PTPRD: variants seen among roughly 807,000 people sequenced by gnomAD.
PTPRD encodes receptor-type tyrosine-protein phosphatase delta.
In PTPRD, 34 loss-of-function variants were observed where a neutral mutation model predicts 214.5. The observed-to-expected ratio is 0.16, with a 90% CI of 0.12 to 0.21. PTPRD has a LOEUF of 0.21. Among genes scored for constraint, PTPRD ranks in the 10% least tolerant of loss-of-function variants. The pLI is 1.00. For missense variants in PTPRD, 2,545 were observed against 2,398.7 expected, an observed-to-expected ratio of 1.06 and a Z score of -1.27; for synonymous variants, 1,128 against 845.7, an observed-to-expected ratio of 1.33 and a Z score of -5.79.
At chr9:8,934,305 C>T (rs148653582) in intron 11 of PTPRD, among the ~76,000 whole-genome samples, 81 of 147,936 alleles carry the variant, frequency 5.5e-4, no homozygotes, top group African/African-American at 1.9e-3. Context: ...CTTGAACTAC[C>T]GAAATCAAGC....
chr9:9,861,632 A>G (rs2062803264), intron 5 of PTPRD, among the ~76,000 whole-genome samples: 1 of 152,206 alleles, frequency 6.6e-6, no homozygotes, highest in African/African-American at 2.4e-5. Flanking sequence ...GAATATTTAG[A>G]TGTTAACTAT....
At chr9:8,757,961 G>C (rs547014787) in intron 11 of PTPRD, among the ~76,000 whole-genome samples, 23 of 152,204 alleles carry the variant, frequency 1.5e-4, no homozygotes, top group African/African-American at 5.5e-4. Context: ...ACTGGTGGTT[G>C]GGCTGAATGG....
rs566640910 is a variant in PTPRD, at chr9:9,141,883, C to T, written c.-143+41421G>A. On this transcript the variant is annotated intron_variant, in intron 10 of 45. Coordinates refer to ENST00000381196, the MANE Select transcript of PTPRD (RefSeq NM_002839.4). ...GGGCATGAAGGTGGGCCATGGGAAT[C>T]GTGGAGGTTTATCATTAATAGATTA... Among the ~76,000 whole-genome samples the T allele has an allele frequency of 3.9e-5, 6 of 152,044 alleles. No individual in the cohort carries two copies. The South Asian group carries it at 8.3e-4, about 21-fold the overall frequency.
At chr9:9,389,647 G>A (rs930143386) in intron 9 of PTPRD, among the ~76,000 whole-genome samples, 13 of 152,142 alleles carry the variant, frequency 8.5e-5, no homozygotes, top group African/African-American at 3.1e-4. Context: ...ATATATTCAT[G>A]TGTATTATGC....
intron 10 of PTPRD, among the ~76,000 whole-genome samples, chr9:9,167,327 T>TG (rs1481605298): frequency 5.0e-5 from 7 of 140,788 alleles, no homozygotes; most frequent in African/African-American, 1.9e-4. Context: ...CTATATGGGG[T>TG]TTGTGTGTGT....
chr9:9,894,162 A>G (rs2153788872), intron 5 of PTPRD, among the ~76,000 whole-genome samples: 1 of 152,146 alleles, frequency 6.6e-6, no homozygotes, highest in Middle Eastern at 3.4e-3. Flanking sequence ...TATCTCCAAG[A>G]TAATATCTAT....
intron 12 of PTPRD, among the ~76,000 whole-genome samples, chr9:8,667,607 A>G (rs1596452388): frequency 6.6e-6 from 1 of 152,196 alleles, no homozygotes; most frequent in Non-Finnish European, 1.5e-5. Flanking sequence ...TGCAATGCAT[A>G]TAAGACATAT....
At position 9,640,203 on chromosome 9, in the gene PTPRD, T is replaced by C. The variant is rs188304809; in HGVS notation, c.-286-65422A>G. ...CCATTCTTCTCACCAGAAGTGATGA[T>C]CTCAGTGGCATGCATGTGATCTAAA... On this transcript the variant is annotated intron_variant, in intron 7 of 45. Transcript: ENST00000381196. Among the ~76,000 whole-genome samples the C allele has an allele frequency of 4.5e-4, 69 of 152,306 alleles. 1 individual carries two copies. The highest frequency in any genetic ancestry group is 1.2e-3 in the African/African-American group (48 of 41,564).
intron 5 of PTPRD, among the ~76,000 whole-genome samples, chr9:9,889,110 C>A (rs954669467): frequency 6.6e-6 from 1 of 151,890 alleles, no homozygotes; most frequent in African/African-American, 2.4e-5. Context: ...TTGCCAGGTG[C>A]TGGGATGGTT....
intron 8 of PTPRD, among the ~76,000 whole-genome samples, chr9:9,548,411 T>TC (rs1294015350): frequency 2.7e-5 from 4 of 148,550 alleles, no homozygotes; most frequent in African/African-American, 7.4e-5. Flanking sequence ...TTTTCTTTTT[T>TC]TTTTTTTTTT....
intron 3 of PTPRD, among the ~76,000 whole-genome samples, chr9:10,165,635 A>T (rs922418974): frequency 6.6e-6 from 1 of 151,778 alleles, no homozygotes; most frequent in African/African-American, 2.4e-5. Flanking sequence ...AGAATAAATC[A>T]TGGCCAAAAT....
Position 8,497,280 on chromosome 9 carries a change from T to C in PTPRD, c.2323-12A>G, listed in dbSNP as rs371244018. ...TCATCAAATTCCCACTGATTGAGAA[T>C]AAGAAGGTTGGGAGGAAAACAAAAT... On this transcript the variant is annotated splice_polypyrimidine_tract_variant and intron_variant, in intron 25 of 45. Transcript: ENST00000381196. The C allele has an allele frequency of 4.8e-5, 77 of 1,593,568 alleles. No homozygotes were observed. The African/African-American group carries it at 9.9e-4, about 20-fold the overall frequency.
intron 7 of PTPRD, among the ~76,000 whole-genome samples, chr9:9,578,483 G>C (rs760653032): frequency 6.6e-6 from 1 of 151,946 alleles, no homozygotes; most frequent in South Asian, 2.1e-4. Flanking sequence ...CAAAAATTTG[G>C]GGGAGGGAGA....
intron 35 of PTPRD, among the ~76,000 whole-genome samples, chr9:8,424,164 T>C (rs955190198): frequency 6.6e-6 from 1 of 152,132 alleles, no homozygotes; most frequent in Non-Finnish European, 1.5e-5. Context: ...AATATAATTA[T>C]AACAAAAAGA....
intron 11 of PTPRD, among the ~76,000 whole-genome samples, chr9:8,792,516 G>A (rs1318860012): frequency 2.0e-5 from 3 of 152,098 alleles, no homozygotes; most frequent in African/African-American, 7.2e-5. Context: ...AAGACAATGA[G>A]GAAATATTGG....
intron 2 of PTPRD, among the ~76,000 whole-genome samples, chr9:10,345,901 T>G (rs918166981): frequency 1.3e-5 from 2 of 152,166 alleles, no homozygotes; most frequent in African/African-American, 4.8e-5. Flanking sequence ...CATTCCTATT[T>G]CTCCACATCC....
chr9:9,006,022 T>A (rs7869466), intron 11 of PTPRD, among the ~76,000 whole-genome samples: 38,586 of 151,936 alleles, frequency 0.25, 5,937 homozygotes, highest in Middle Eastern at 0.35. Context: ...AATTTTCTTA[T>A]CATAAATTAA....
At chr9:8,433,697 G>C (rs1472266822) in intron 35 of PTPRD, among the ~76,000 whole-genome samples, 1 of 152,170 alleles carries the variant, frequency 6.6e-6, no homozygotes, top group African/African-American at 2.4e-5. Context: ...TTGTATAGCT[G>C]TACAGTGTGC....
At chr9:9,485,470 A>G (rs1170187724) in intron 8 of PTPRD, among the ~76,000 whole-genome samples, 1 of 152,130 alleles carries the variant, frequency 6.6e-6, no homozygotes, top group Non-Finnish European at 1.5e-5. Flanking sequence ...TGCATAGCTC[A>G]TTTTCAATCT....
Sources: gnomAD v4.1 joint callset for allele counts (sites outside exome capture counted in the v4.1 genomes callset) on GRCh38, gnomAD v4.1.1 for gene constraint, MANE v1.5 for transcripts, NCBI Gene and HGNC (gene_info 2026-07-23, HGNC 2026-07-21) for gene names.